Variants in ZNF516 observed in about 807,000 individuals in gnomAD.
The protein encoded by ZNF516 is zinc finger protein 516.
A neutral mutation model predicts 79.7 loss-of-function variants in ZNF516; 19 were observed. That is an observed-to-expected ratio of 0.24 (90% CI 0.17 to 0.35). The LOEUF (loss-of-function observed/expected upper bound fraction) is 0.35. Among genes scored for constraint, ZNF516 ranks in the 10% least tolerant of loss-of-function variants. The pLI is 1.00. For missense variants in ZNF516, 1,678 were observed against 1,679.5 expected, an observed-to-expected ratio of 1.00 and a Z score of 0.02; for synonymous variants, 877 against 739.5, an observed-to-expected ratio of 1.19 and a Z score of -3.02.
intron 4 of ZNF516, chr18:76,372,888 C>T (rs2074729724): frequency 6.6e-6 from 1 of 152,324 alleles, no homozygotes; most frequent in African/African-American, 2.4e-5. Flanking sequence ...GCGGCTCACG[C>T]CTGTAATCCC....
intron 1 of ZNF516, among the ~76,000 whole-genome samples, chr18:76,481,269 T>C (rs10451401): frequency 6.6e-6 from 1 of 152,226 alleles, no homozygotes; most frequent in Non-Finnish European, 1.5e-5. Flanking sequence ...TTGTGATGGA[T>C]GACTCAAAAT....
At chr18:76,383,881 A>T (rs1228370573) in intron 3 of ZNF516, among the ~76,000 whole-genome samples, 2 of 152,206 alleles carry the variant, frequency 1.3e-5, no homozygotes, top group Non-Finnish European at 2.9e-5. Context: ...TTGGTTGACA[A>T]GGGCCCTCCA....
intron 3 of ZNF516, among the ~76,000 whole-genome samples, chr18:76,407,379 C>T (rs1200432595): frequency 6.6e-6 from 1 of 152,162 alleles, no homozygotes; most frequent in South Asian, 2.1e-4. Flanking sequence ...GAGCCAAGAT[C>T]GTGCCACTGC....
rs865817585 is a variant in ZNF516 at position 76,423,662 on chromosome 18, C to T, written c.1810+17583G>A. Among the ~76,000 whole-genome samples the T allele has an allele frequency of 2.7e-4, 26 of 94,932 alleles. 1 individual carries two copies. Among genetic ancestry groups the T allele is most frequent in the Middle Eastern group, 0.02 (2 of 98 alleles). 62.3% of individuals were successfully genotyped at this position (94,932 alleles called of 152,430 possible). A position where few individuals can be genotyped will look rare whatever the true frequency, so the allele number is the denominator to read the frequency against. The stretch of plus-strand genomic sequence containing the variant: ...CCCGAAACACACGCAGGTGAAAAGG[C>T]TCCCTCCTGAAACATACACACGCAG... On this transcript the variant is annotated intron_variant, in intron 3 of 6. Transcript: ENST00000443185.
intron 2 of ZNF516, among the ~76,000 whole-genome samples, chr18:76,462,491 C>T (rs976697804): frequency 2.6e-4 from 40 of 152,200 alleles, no homozygotes; most frequent in African/African-American, 8.4e-4. Flanking sequence ...TGGTAACAAC[C>T]GAAACCTGCC....
chr18:76,455,342 C>T (rs767872061), intron 2 of ZNF516, among the ~76,000 whole-genome samples: 19 of 152,234 alleles, frequency 1.2e-4, no homozygotes, highest in Admixed American at 7.8e-4. Context: ...CAACTTCTCT[C>T]CTACCCCAAC....
chr18:76,370,359 G>GC, intron 6 of ZNF516, among the ~76,000 whole-genome samples, 169 bp downstream of exon 6: 1 of 152,294 alleles, frequency 6.6e-6, no homozygotes, highest in Non-Finnish European at 1.5e-5. Context: ...TGCGGGTACT[G>GC]CCCACAGACG....
upstream of ZNF516, chr18:76,496,198 G>C: frequency 8.4e-7 from 1 of 1,184,356 alleles, no homozygotes; most frequent in East Asian, 6.0e-5. Context: ...AGCTAGCGAG[G>C]GCGAGCGCCC....
At chr18:76,453,983 T>C (rs1252458486) in intron 2 of ZNF516, among the ~76,000 whole-genome samples, 1 of 152,240 alleles carries the variant, frequency 6.6e-6, no homozygotes, top group Non-Finnish European at 1.5e-5. Flanking sequence ...TCTCTCCCAG[T>C]ATAAGAATAC....
chr18:76,416,442 C>A (rs1253205473), intron 3 of ZNF516, among the ~76,000 whole-genome samples: 1 of 152,214 alleles, frequency 6.6e-6, no homozygotes, highest in Non-Finnish European at 1.5e-5. Flanking sequence ...CCATTAATAA[C>A]CAAGGAGGTA....
intron 3 of ZNF516, among the ~76,000 whole-genome samples, chr18:76,414,118 T>G (rs985739173): frequency 5.9e-5 from 9 of 152,260 alleles, no homozygotes; most frequent in Non-Finnish European, 1.3e-4. Context: ...AAGACTAACA[T>G]GTACATATAT....
At chr18:76,423,307 C>G (rs945090037) in intron 3 of ZNF516, among the ~76,000 whole-genome samples, 1 of 152,230 alleles carries the variant, frequency 6.6e-6, no homozygotes, top group South Asian at 2.1e-4. Flanking sequence ...GCCCTTCTTG[C>G]GTGTTCTCGT....
intron 6 of ZNF516, among the ~76,000 whole-genome samples, chr18:76,364,873 G>A (rs2074590619): frequency 1.3e-5 from 2 of 152,240 alleles, no homozygotes; most frequent in African/African-American, 2.4e-5. Flanking sequence ...TGACTGGGGG[G>A]ATTTTGGGTA....
intron 1 of ZNF516, chr18:76,490,835 T>TCA: frequency 2.0e-6 from 2 of 985,470 alleles, no homozygotes; most frequent in Non-Finnish European, 2.4e-6. Context: ...CGTCCTTTGT[T>TCA]ACGCAGGGGA....
intron 1 of ZNF516, chr18:76,492,355 G>A: frequency 1.0e-6 from 1 of 985,456 alleles, no homozygotes; most frequent in Non-Finnish European, 1.2e-6. Flanking sequence ...GCAAGCGTGG[G>A]GTGGCCGGTG....
At chr18:76,404,325 T>C (rs935919437) in intron 3 of ZNF516, among the ~76,000 whole-genome samples, 13 of 132,876 alleles carry the variant, frequency 9.8e-5, no homozygotes, top group African/African-American at 3.2e-4. Context: ...TTCGTGCATG[T>C]GGACCGTGTG....
At chr18:76,425,243 G>A (rs1455906096) in intron 3 of ZNF516, among the ~76,000 whole-genome samples, 3 of 151,994 alleles carry the variant, frequency 2.0e-5, no homozygotes, top group African/African-American at 7.2e-5. Context: ...ACTGTTTTAC[G>A]CCTTTTCCAT....
intron 2 of ZNF516, among the ~76,000 whole-genome samples, chr18:76,446,921 A>C (rs1263418296): frequency 6.6e-6 from 1 of 152,222 alleles, no homozygotes; most frequent in Non-Finnish European, 1.5e-5. Flanking sequence ...ACAGTAACCA[A>C]GTTAAGCCCA....
chr18:76,413,336 C>T (rs1031644821), intron 3 of ZNF516, among the ~76,000 whole-genome samples: 1 of 152,136 alleles, frequency 6.6e-6, no homozygotes, highest in Non-Finnish European at 1.5e-5. Flanking sequence ...TATCTAAAAT[C>T]CTTCTCTGGC....
Sources: allele counts gnomAD v4.1 joint callset (sites outside exome capture counted in the v4.1 genomes callset), GRCh38; gene constraint gnomAD v4.1.1; transcripts MANE v1.5; gene names NCBI Gene and HGNC (gene_info 2026-07-23, HGNC 2026-07-21).